Variants in TCP11 observed in about 807,000 individuals in gnomAD.
TCP11 encodes the protein T-complex protein 11 homolog.
Under a neutral mutation model 45.0 loss-of-function variants are expected in TCP11, and 34 were observed. That is an observed-to-expected ratio of 0.76 (90% CI 0.57 to 1.01). The LOEUF is 1.01. Among genes scored for constraint, TCP11 ranks in the 50% least tolerant of loss-of-function variants. TCP11 has a pLI of 0.00. For synonymous variants in TCP11, 227 were observed against 227.0 expected, an observed-to-expected ratio of 1.00 and a Z score of 0.00; for missense variants, 523 against 598.1, an observed-to-expected ratio of 0.87 and a Z score of 1.31.
chr6:35,141,059 T>G (rs899809142), intron 1 of TCP11, 146 bp downstream of exon 1: 5 of 1,219,422 alleles, frequency 4.1e-6, no homozygotes, highest in Non-Finnish European at 5.3e-6. Context: ...GGGACAGAAG[T>G]GGAGCGCTGG....
At chr6:35,139,146 C>T (rs1781440753) in intron 2 of TCP11, among the ~76,000 whole-genome samples, 1 of 151,926 alleles carries the variant, frequency 6.6e-6, no homozygotes, top group Non-Finnish European at 1.5e-5. Flanking sequence ...CGAGATCGCA[C>T]CATTGCACTC....
chr6:35,132,242 T>C (rs1468491778), intron 3 of TCP11, among the ~76,000 whole-genome samples: 8 of 152,208 alleles, frequency 5.3e-5, no homozygotes, highest in Non-Finnish European at 1.0e-4. Context: ...TTGTCACCAC[T>C]ACCTGGTGCA....
rs200591596 is a variant in TCP11 at position 35,120,371 on chromosome 6, G to C, written c.934-31C>G. On this transcript the variant is annotated intron_variant, in intron 7 of 9. Coordinates refer to ENST00000311875, the MANE Select transcript of TCP11 (RefSeq NM_001370687.1). The surrounding 1 kb of genome is among the most constrained non-coding windows in gnomAD (Gnocchi z 4.9). ...AACCAGGGAAGAACAGGCTGTCAGG[G>C]GAAGTCCCGATGGAAGCCCTGAACA... 267 of 1,603,236 alleles carry C rather than the reference G, an allele frequency of 1.7e-4. 1 individual carries two copies. The East Asian group carries it at 5.7e-3, about 34-fold the overall frequency.
At chr6:35,136,670 G>T (rs1781152446) in intron 2 of TCP11, among the ~76,000 whole-genome samples, 1 of 69,630 alleles carries the variant, frequency 1.4e-5, no homozygotes, top group Admixed American at 1.7e-4. Flanking sequence ...AAAGTCATTT[G>T]GTCTTCTAAA....
At chr6:35,137,957 G>A (rs1317523117) in intron 2 of TCP11, 1 of 362,494 alleles carries the variant, frequency 2.8e-6, no homozygotes, top group Non-Finnish European at 5.4e-6. Context: ...GGAAAAATAA[G>A]GTTACTGTAG....
At chr6:35,141,054 A>C (rs1781713810) in intron 1 of TCP11, 151 bp downstream of exon 1, 1 of 1,221,760 alleles carries the variant, frequency 8.2e-7, no homozygotes, top group Non-Finnish European at 1.1e-6. Context: ...AGAGTGGGAC[A>C]GAAGTGGAGC....
Position 35,136,225 on chromosome 6 carries a change from G to C in TCP11, c.125-7C>G, listed in dbSNP as rs998682464. On this transcript the variant is annotated splice_polypyrimidine_tract_variant and splice_region_variant and intron_variant, in intron 2 of 9. Transcript: ENST00000311875. ...AGACCTGTGACAGAAAGAACTGATG[G>C]TGGACAACAATGAGCCCATGCAAGT... 4.4e-6 allele frequency: 7 copies of C among 1,607,908 alleles called. No individual in the cohort carries two copies. In the African/African-American group the frequency reaches 6.7e-5, roughly 15 times the overall value.
In TCP11 at chr6:35,129,106, G is replaced by C; in HGVS notation, c.313C>G (p.Pro105Ala). ...HLKEQLSATP[P>A]DFSCALELLK... ...AGTTCAAGAGCACAGCTGAAGTCAG[G>C]GGGAGTTGCTGATAGTTGCTCTTTA... Residue 105 changes from proline (P) to alanine (A), a missense_variant, in exon 4 of 10, where the codon CCT becomes GCT. By Grantham distance (27) the Pro-to-Ala change is conservative. Around this residue, in one of 2 missense-constraint regions of TCP11, gnomAD observed 225 missense variants for 210.2 expected, o/e 1.07. Transcript: ENST00000311875. 1.9e-6 allele frequency: 3 copies of C among 1,614,086 alleles called. No homozygotes were observed. Among genetic ancestry groups the C allele is most frequent in the Non-Finnish European group, 2.5e-6 (3 of 1,179,986 alleles).
intron 5 of TCP11, among the ~76,000 whole-genome samples, chr6:35,121,891 T>C (rs1245648952): frequency 4.0e-5 from 6 of 151,798 alleles, no homozygotes; most frequent in Admixed American, 1.3e-4. Context: ...TAGTGTCTTA[T>C]GGTATTACAG....
chr6:35,121,334 C>T (rs1325800390), intron 5 of TCP11, among the ~76,000 whole-genome samples: 1 of 151,604 alleles, frequency 6.6e-6, no homozygotes, highest in Non-Finnish European at 1.5e-5. Context: ...AATACACCAG[C>T]ATGCTAACAA....
chr6:35,139,215 C>A (rs545071950), intron 2 of TCP11, among the ~76,000 whole-genome samples: 19 of 146,636 alleles, frequency 1.3e-4, no homozygotes, highest in African/African-American at 3.8e-4. Context: ...AAAAAAAAAA[C>A]CCATCAACAA....
chr6:35,121,183 T>G (rs1295261362), intron 5 of TCP11, 138 bp from the exon 6 acceptor site: 5 of 1,040,156 alleles, frequency 4.8e-6, no homozygotes, highest in Non-Finnish European at 4.0e-6. Context: ...GAAGATAACA[T>G]GTGGCCCAGA....
At chr6:35,123,491 T>A (rs1314798891) in intron 4 of TCP11, among the ~76,000 whole-genome samples, 1 of 151,962 alleles carries the variant, frequency 6.6e-6, no homozygotes, top group Non-Finnish European at 1.5e-5. Flanking sequence ...TTTATAATAT[T>A]TTTTTTCTTT....
In TCP11 at chr6:35,121,015, T is replaced by C. The variant is rs758520830; in HGVS notation, c.609A>G (p.Lys203=). The C allele has an allele frequency of 5.0e-6, 8 of 1,611,502 alleles. No individual in the cohort carries two copies. In the African/African-American group the frequency reaches 1.1e-4, roughly 22 times the overall value. Residue 203 remains lysine, a synonymous_variant, in exon 6 of 10, where the codon AAA becomes AAG. Transcript: ENST00000311875. ...GGATAGTGTAGTTCACCATGTCCATTTTCATCCGGCCCAGAACCTGGAAGA... is the reference window on the plus strand; with the variant it reads ...GGATAGTGTAGTTCACCATGTCCATCTTCATCCGGCCCAGAACCTGGAAGA... The part of the protein sequence containing the change: ...RGIFQVLGRM[K]MDMVNYTIQS...
At chr6:35,125,816 A>T (rs1195248385) in intron 4 of TCP11, among the ~76,000 whole-genome samples, 2 of 152,256 alleles carry the variant, frequency 1.3e-5, no homozygotes, top group African/African-American at 4.8e-5. Flanking sequence ...TAATAAGAAT[A>T]TTATTCAGCC....
intron 2 of TCP11, 118 bp from the exon 3 acceptor site, chr6:35,136,336 C>G: frequency 1.5e-6 from 1 of 672,144 alleles, no homozygotes; most frequent in Non-Finnish European, 2.5e-6. Context: ...CAGACTCACC[C>G]AACTATTCTA....
At chr6:35,137,646 T>C in intron 2 of TCP11, 1 of 343,340 alleles carries the variant, frequency 2.9e-6, no homozygotes. Context: ...AGACCTATAG[T>C]ACAGCTGATA....
chr6:35,129,186 T>C lies in TCP11; in HGVS notation c.237-4A>G, dbSNP rs1428712631. On this transcript the variant is annotated splice_region_variant and splice_polypyrimidine_tract_variant and intron_variant, in intron 3 of 9. Transcript: ENST00000311875. ...CTCCTTGACCTTGCCTTCCAGACTATAAGAGGGTTAAATGAGCAGATTACT... is the reference window on the plus strand; with the variant it reads ...CTCCTTGACCTTGCCTTCCAGACTACAAGAGGGTTAAATGAGCAGATTACT... 3.7e-6 allele frequency: 6 copies of C among 1,611,344 alleles called. No individual in the cohort carries two copies. Among genetic ancestry groups the C allele is most frequent in the Non-Finnish European group, 5.1e-6 (6 of 1,179,326 alleles).
rs1173918377 is a variant in TCP11 at position 35,120,913 on chromosome 6, C to T, written c.711G>A (p.Gln237=). 1 of 1,613,372 alleles carries T rather than the reference C, an allele frequency of 6.2e-7. No homozygotes were observed. Among genetic ancestry groups the T allele is most frequent in the Admixed American group, 1.7e-5 (1 of 59,932 alleles). The stretch of plus-strand genomic sequence containing the variant: ...GCCCTCACATTATATACATACTAGG[C>T]TGCTTATTGAGGAGTTCCTGGAATT... The part of the protein sequence containing the change: ...RAKFQELLNK[Q]PSLLNHTTKW... Residue 237 remains glutamine, a synonymous_variant, in exon 6 of 10, where the codon CAG becomes CAA. Coordinates refer to ENST00000311875, the MANE Select transcript of TCP11 (RefSeq NM_001370687.1). This position sits in a 1 kb window ranked among gnomAD's most constrained non-coding sequence, Gnocchi z 4.9.
Sources: allele counts gnomAD v4.1 joint callset (sites outside exome capture counted in the v4.1 genomes callset), GRCh38; gene constraint gnomAD v4.1.1; regional missense constraint gnomAD v4.1.1; non-coding constraint Gnocchi (gnomAD v3.1); transcripts MANE v1.5; gene names NCBI Gene and HGNC (gene_info 2026-07-23, HGNC 2026-07-21).